ADGRF5: variants seen among roughly 807,000 people sequenced by gnomAD.
The protein encoded by ADGRF5 is adhesion G protein-coupled receptor F5.
ADGRF5 carries 75 observed loss-of-function variants against 132.3 expected under a neutral mutation model. The ratio of observed to expected loss-of-function variants is 0.57; its 90% CI spans 0.47 to 0.69. The LOEUF (loss-of-function observed/expected upper bound fraction) is 0.69. ADGRF5 is among the 30% of genes least tolerant of loss of function. The probability of loss-of-function intolerance (pLI) is 0.00; values close to 1 mark genes in which losing one functional copy is unlikely to be tolerated. For missense variants in ADGRF5, 1,516 were observed against 1,630.6 expected, an observed-to-expected ratio of 0.93 and a Z score of 1.21; for synonymous variants, 629 against 597.6, an observed-to-expected ratio of 1.05 and a Z score of -0.77.
At chr6:46,883,519 A>G (rs904044877) in intron 6 of ADGRF5, 40 bp downstream of exon 6, 3 of 993,674 alleles carry the variant, frequency 3.0e-6, no homozygotes, top group Admixed American at 3.7e-5. Context: ...TTCAGTCCAA[A>G]CAGTTTGTTA....
intron 9 of ADGRF5, among the ~76,000 whole-genome samples, chr6:46,878,647 C>A (rs1209498699): frequency 6.6e-6 from 1 of 151,604 alleles, no homozygotes; most frequent in Non-Finnish European, 1.5e-5. Context: ...AGGGACTTTT[C>A]TAATAAGAAA....
At chr6:46,880,076 C>A in intron 8 of ADGRF5, 37 bp from the exon 9 acceptor site, 1 of 1,421,046 alleles carries the variant, frequency 7.0e-7, no homozygotes, top group Non-Finnish European at 9.9e-7. Flanking sequence ...GATCCCAAAG[C>A]AAATAAATGT....
intron 1 of ADGRF5, among the ~76,000 whole-genome samples, chr6:46,940,656 G>T (rs764862525): frequency 6.6e-5 from 10 of 152,148 alleles, no homozygotes; most frequent in Non-Finnish European, 1.3e-4. Context: ...AGAGGCAAAC[G>T]CTTGACTCAA....
At chr6:46,854,248 CAG>C (rs1377119276) in intron 20 of ADGRF5, among the ~76,000 whole-genome samples, 177 bp from the exon 21 acceptor site, 3 of 152,202 alleles carry the variant, frequency 2.0e-5, no homozygotes, top group African/African-American at 4.8e-5. Flanking sequence ...AGAAAACTAA[CAG>C]AGCTGTCGTT....
At position 46,856,697 on chromosome 6, in the gene ADGRF5, C is replaced by T. The variant is rs556641600; in HGVS notation, c.3876+21G>A. The T allele has an allele frequency of 5.4e-5, 64 of 1,189,684 alleles. No individual in the cohort carries two copies. In the East Asian group the frequency reaches 1.5e-3, roughly 28 times the overall value. The allele number at this position is 1,189,684 out of a possible 1,614,324, so 73.7% of individuals were successfully genotyped here. On this transcript the variant is annotated intron_variant, in intron 19 of 20. Coordinates refer to ENST00000283296, the MANE Select transcript of ADGRF5 (RefSeq NM_001098518.2). ...TACATGATGTTATAAAATGAAAAGT[C>T]TCTGCAGAGAAAAAGTTTACCTTTG... is the stretch of plus-strand genomic sequence containing the variant.
chr6:46,889,568 GTATATATATA>G (rs765350305), intron 3 of ADGRF5, among the ~76,000 whole-genome samples: 48 of 77,818 alleles, frequency 6.2e-4, no homozygotes, highest in African/African-American at 1.6e-3. Context: ...GTGTGTGTGT[GTATATATATA>G]TATATATATA....
At chr6:46,855,867 T>A (rs1247017781) in intron 20 of ADGRF5, 107 bp downstream of exon 20, 5 of 706,846 alleles carry the variant, frequency 7.1e-6, no homozygotes, top group Non-Finnish European at 1.3e-5. Flanking sequence ...AAAGAGGACA[T>A]TTCAGGTAAA....
chr6:46,915,023 T>A (rs1211772227), intron 1 of ADGRF5, among the ~76,000 whole-genome samples: 1 of 151,766 alleles, frequency 6.6e-6, no homozygotes, highest in East Asian at 1.9e-4. Flanking sequence ...GCCCGGCTGA[T>A]TTTTGTATTT....
chr6:46,915,134 A>C (rs190556686), intron 1 of ADGRF5, among the ~76,000 whole-genome samples: 2,707 of 151,762 alleles, frequency 0.018, 39 homozygotes, highest in South Asian at 0.044. Flanking sequence ...GGGATTATAG[A>C]CGTGAGCCAC....
Position 46,915,092 on chromosome 6 carries a change from G to A in ADGRF5, c.-25+6621C>T, listed in dbSNP as rs1423294835. Among the ~76,000 whole-genome samples, 5 of 151,896 alleles carry A rather than the reference G, an allele frequency of 3.3e-5. No individual in the cohort carries two copies. In the East Asian group the frequency reaches 5.8e-4, roughly 18 times the overall value. On this transcript the variant is annotated intron_variant, in intron 1 of 20. Transcript: ENST00000283296. ...GCTGGTCTTGAACTCCTGACCTCAA[G>A]TGATCCGCCCATCTCGGCCTCCCAA...
chr6:46,875,208 CAG>C (rs1771513473), intron 10 of ADGRF5, among the ~76,000 whole-genome samples: 1 of 152,162 alleles, frequency 6.6e-6, no homozygotes, highest in Non-Finnish European at 1.5e-5. Flanking sequence ...GTGGTAAACT[CAG>C]AAAACACAAG....
chr6:46,943,415 T>G (rs1231756368), intron 1 of ADGRF5, among the ~76,000 whole-genome samples: 1 of 152,242 alleles, frequency 6.6e-6, no homozygotes, highest in African/African-American at 2.4e-5. Flanking sequence ...GCACCTACTT[T>G]GTGCAGAATA....
chr6:46,897,657 C>G (rs1040294016), intron 3 of ADGRF5, among the ~76,000 whole-genome samples: 4 of 152,178 alleles, frequency 2.6e-5, no homozygotes, highest in African/African-American at 4.8e-5. Flanking sequence ...TCACTGCAAC[C>G]TCCGCCTCCC....
intron 2 of ADGRF5, among the ~76,000 whole-genome samples, chr6:46,900,739 A>G (rs113136010): frequency 4.1e-4 from 63 of 152,270 alleles, no homozygotes; most frequent in Middle Eastern, 3.4e-3. Flanking sequence ...TTTCCTGTAA[A>G]ATGAGAATAA....
chr6:46,940,042 G>A (rs1449022852), intron 1 of ADGRF5, among the ~76,000 whole-genome samples: 1 of 151,974 alleles, frequency 6.6e-6, no homozygotes, highest in Non-Finnish European at 1.5e-5. Flanking sequence ...GTTGGTATTT[G>A]TAGTTCTGTA....
chr6:46,908,082 A>G lies in ADGRF5; in HGVS notation c.-24-1296T>C, dbSNP rs543249225. 5.3e-5 allele frequency: 8 copies of G among 152,322 alleles called. No individual in the cohort carries two copies. The South Asian group carries it at 6.2e-4, about 12-fold the overall frequency. 9.4% of individuals were successfully genotyped at this position (152,322 alleles called of 1,614,324 possible). On this transcript the variant is annotated intron_variant, in intron 1 of 20. Coordinates refer to ENST00000283296, the MANE Select transcript of ADGRF5 (RefSeq NM_001098518.2). ...ACATGCCAGGGAAAATTGTATTTCA[A>G]TTGCCAGCTGACAACTGCCACCTTT...
chr6:46,881,998 C>T (rs1479843809), intron 7 of ADGRF5, 51 bp downstream of exon 7: 1 of 1,294,128 alleles, frequency 7.7e-7, no homozygotes, highest in Non-Finnish European at 1.1e-6. Flanking sequence ...CCTTCACTAC[C>T]ATATGGATCC....
intron 2 of ADGRF5, among the ~76,000 whole-genome samples, chr6:46,902,784 T>A (rs777807921): frequency 1.3e-5 from 2 of 152,112 alleles, no homozygotes; most frequent in Non-Finnish European, 2.9e-5. Context: ...TCATTGGAGA[T>A]AATGGAGGGA....
At chr6:46,929,242 A>T (rs563496724) in intron 1 of ADGRF5, among the ~76,000 whole-genome samples, 6 of 152,268 alleles carry the variant, frequency 3.9e-5, no homozygotes, top group South Asian at 4.1e-4. Flanking sequence ...TATCGCAAGG[A>T]CAAAAAACCA....
Sources: allele counts gnomAD v4.1 joint callset (sites outside exome capture counted in the v4.1 genomes callset), GRCh38; gene constraint gnomAD v4.1.1; transcripts MANE v1.5; gene names NCBI Gene and HGNC (gene_info 2026-07-23, HGNC 2026-07-21).